MTFR1: variants seen among roughly 807,000 people sequenced by gnomAD.
MTFR1 encodes the protein mitochondrial fission regulator 1.
MTFR1 carries 28 observed loss-of-function variants against 38.8 expected under a neutral mutation model. The ratio of observed to expected loss-of-function variants is 0.72; its 90% CI spans 0.53 to 0.99. The LOEUF (loss-of-function observed/expected upper bound fraction) is 0.99, where lower values mean the gene tolerates loss of function less well. Ranked by LOEUF, MTFR1 falls within the 50% of genes least tolerant of loss-of-function variation. MTFR1 has a pLI of 0.00. For missense variants in MTFR1, 358 were observed against 395.5 expected, an observed-to-expected ratio of 0.91 and a Z score of 0.81; for synonymous variants, 145 against 137.0, an observed-to-expected ratio of 1.06 and a Z score of -0.41.
downstream of MTFR1, among the ~76,000 whole-genome samples, chr8:65,775,653 A>C (rs999959623): frequency 6.6e-6 from 1 of 152,212 alleles, no homozygotes; most frequent in Admixed American, 6.5e-5. Flanking sequence ...TTTGAGACGA[A>C]GTCTCGCTCT....
chr8:65,772,448 T>C (rs1018008811), downstream of MTFR1, among the ~76,000 whole-genome samples: 2 of 152,190 alleles, frequency 1.3e-5, no homozygotes, highest in African/African-American at 2.4e-5. Flanking sequence ...TTGCCAAGTC[T>C]GAGATTATAG....
At position 65,719,633 on chromosome 8, in the gene MTFR1, G is replaced by C. The variant is rs959608662; in HGVS notation, c.*48+152G>C. The C allele has an allele frequency of 6.3e-6, 4 of 638,408 alleles. No homozygotes were observed. The African/African-American group carries it at 7.3e-5, about 12-fold the overall frequency. The allele number at this position is 638,408 out of a possible 1,614,324, so 39.5% of individuals were successfully genotyped here. On this transcript the variant is annotated intron_variant, in intron 3 of 3. Coordinates refer to the MTFR1 transcript ENST00000521247. The stretch of plus-strand genomic sequence containing the variant: ...TATTCTTCAAAAGATTCCTGTGTAT[G>C]TGTAGGTGACAGAGTCTGTAATGTA...
intron 3 of MTFR1, among the ~76,000 whole-genome samples, chr8:65,745,715 T>C (rs1401508851): frequency 6.6e-6 from 1 of 152,228 alleles, no homozygotes; most frequent in African/African-American, 2.4e-5. Context: ...GAAGGTTATG[T>C]TTCCCAGCTT....
intron 3 of MTFR1, among the ~76,000 whole-genome samples, chr8:65,751,578 C>T (rs572679226): frequency 6.6e-5 from 10 of 152,134 alleles, no homozygotes; most frequent in South Asian, 2.1e-4. Context: ...CCGCAACCTC[C>T]GCCTCCGGGG....
intron 1 of MTFR1, among the ~76,000 whole-genome samples, chr8:65,667,276 C>CAAA (rs141779787): frequency 8.5e-6 from 1 of 117,974 alleles, no homozygotes. Context: ...AACTCCGTCT[C>CAAA]AAAAAAAAAA....
chr8:65,677,038 A>G (rs1285457918), intron 2 of MTFR1, among the ~76,000 whole-genome samples: 1 of 151,598 alleles, frequency 6.6e-6, no homozygotes, highest in Non-Finnish European at 1.5e-5. Context: ...TCATAGATAA[A>G]GCATGGTTTT....
At chr8:65,769,141 G>A (rs1357215296) in intron 3 of MTFR1, among the ~76,000 whole-genome samples, 3 of 151,596 alleles carry the variant, frequency 2.0e-5, no homozygotes, top group Non-Finnish European at 2.9e-5. Context: ...CCAGCTACTT[G>A]GGAGGCTGAG....
chr8:65,748,787 G>A (rs1159704755), intron 3 of MTFR1, among the ~76,000 whole-genome samples: 1 of 152,116 alleles, frequency 6.6e-6, no homozygotes, highest in Non-Finnish European at 1.5e-5. Context: ...CTAATTTAAG[G>A]GGTGCTGGAT....
At chr8:65,699,540 T>G (rs1805548845) in intron 4 of MTFR1, among the ~76,000 whole-genome samples, 1 of 152,218 alleles carries the variant, frequency 6.6e-6, no homozygotes, top group African/African-American at 2.4e-5. Flanking sequence ...CAAGCAATTA[T>G]GTCCTTTGTC....
At chr8:65,707,562 A>T (rs915601585) in intron 6 of MTFR1, among the ~76,000 whole-genome samples, 1 of 152,242 alleles carries the variant, frequency 6.6e-6, no homozygotes, top group South Asian at 2.1e-4. Context: ...TACCACTAGC[A>T]TAGTCACTAG....
At chr8:65,667,949 C>T (rs527852208) in intron 1 of MTFR1, among the ~76,000 whole-genome samples, 9 of 152,208 alleles carry the variant, frequency 5.9e-5, no homozygotes, top group Non-Finnish European at 8.8e-5. Flanking sequence ...CTTTCATTAG[C>T]GCCCAGCTCT....
intron 3 of MTFR1, chr8:65,747,702 C>A: frequency 6.2e-7 from 1 of 1,611,994 alleles, no homozygotes; most frequent in Non-Finnish European, 8.5e-7. Flanking sequence ...GAATTTGAAA[C>A]CGCAGTACCA....
At chr8:65,705,930 A>C (rs1480384420) in intron 5 of MTFR1, among the ~76,000 whole-genome samples, 1 of 152,140 alleles carries the variant, frequency 6.6e-6, no homozygotes, top group Non-Finnish European at 1.5e-5. Context: ...CCACTAACCT[A>C]TTGGCAAGTA....
intron 3 of MTFR1, among the ~76,000 whole-genome samples, chr8:65,766,601 A>G (rs1294967513): frequency 6.6e-6 from 1 of 152,232 alleles, no homozygotes; most frequent in Non-Finnish European, 1.5e-5. Context: ...TGGTCAGCCC[A>G]GCATTGACGT....
intron 3 of MTFR1, among the ~76,000 whole-genome samples, chr8:65,769,900 AAAAC>A (rs1415285092): frequency 6.6e-6 from 1 of 152,238 alleles, no homozygotes; most frequent in Non-Finnish European, 1.5e-5. Context: ...CTGTCTCAAA[AAAAC>A]AAAAACAAAA....
At chr8:65,669,765 G>A (rs1804510852) in intron 1 of MTFR1, 108 bp from the exon 2 acceptor site, 1 of 557,502 alleles carries the variant, frequency 1.8e-6, no homozygotes, top group Non-Finnish European at 3.1e-6. Context: ...TGGTCAGGCT[G>A]CACATGAAGT....
chr8:65,763,010 TG>T (rs1808588173), intron 3 of MTFR1, among the ~76,000 whole-genome samples: 1 of 147,012 alleles, frequency 6.8e-6, no homozygotes, highest in Non-Finnish European at 1.5e-5. Flanking sequence ...TGTGTGTGTG[TG>T]TGTGTGTGTG....
At chr8:65,748,914 T>C (rs1396483821) in intron 3 of MTFR1, among the ~76,000 whole-genome samples, 1 of 152,222 alleles carries the variant, frequency 6.6e-6, no homozygotes, top group Non-Finnish European at 1.5e-5. Context: ...CTAGTAATTA[T>C]CAGAAATTCT....
chr8:65,745,352 A>C, intron 3 of MTFR1: 1 of 986,322 alleles, frequency 1.0e-6, no homozygotes, highest in Admixed American at 1.7e-5. Context: ...CGGCTGCACC[A>C]TCAATGCAGT....
Sources: gnomAD v4.1 joint callset for allele counts (sites outside exome capture counted in the v4.1 genomes callset) on GRCh38, gnomAD v4.1.1 for gene constraint, MANE v1.5 for transcripts, NCBI Gene and HGNC (gene_info 2026-07-23, HGNC 2026-07-21) for gene names.